The following PLEKHG7 variants were observed in gnomAD, a reference collection of about 807,000 sequenced individuals.
PLEKHG7 encodes pleckstrin homology domain-containing family G member 7.
In PLEKHG7, 77 loss-of-function variants were observed where a neutral mutation model predicts 85.2. That is an observed-to-expected ratio of 0.90 (90% CI 0.75 to 1.09). The LOEUF (loss-of-function observed/expected upper bound fraction) is 1.09, where lower values mean the gene tolerates loss of function less well. Among genes scored for constraint, PLEKHG7 ranks in the 50% least tolerant of loss-of-function variants. PLEKHG7 has a pLI of 0.00. For missense variants in PLEKHG7, 777 were observed against 804.3 expected (o/e 0.97, Z 0.41); for synonymous variants, 301 against 302.4 (o/e 1.00, Z 0.05).
chr12:92,749,198 C>G (rs1024063318), intron 10 of PLEKHG7, among the ~76,000 whole-genome samples: 9 of 152,178 alleles, frequency 5.9e-5, no homozygotes, highest in African/African-American at 1.9e-4. Context: ...CCACATGAGG[C>G]TAAGCTTTAT....
Position 92,756,348 on chromosome 12 carries a change from A to G in PLEKHG7, c.1593A>G (p.Pro531=), listed in dbSNP as rs1351802138. The G allele has an allele frequency of 2.5e-6, 4 of 1,613,410 alleles. No individual in the cohort carries two copies. The African/African-American group carries it at 5.3e-5, about 22-fold the overall frequency. The change falls in exon 13 of 17, where the codon CCA becomes CCG. Residue 531 remains proline (P), a synonymous_variant. Coordinates refer to ENST00000344636, the MANE Select transcript of PLEKHG7 (RefSeq NM_001377329.1). ...ACATGGCAGAAAACATCTTGTCACC[A>G]ACCAGCAGACACCTTCTCTATGAAG... is the stretch of plus-strand genomic sequence containing the variant. The part of the protein sequence containing the change: ...KEHMAENILS[P]TSRHLLYEGK...
chr12:92,744,629 T>A (rs1449168435), intron 9 of PLEKHG7, among the ~76,000 whole-genome samples: 1 of 151,520 alleles, frequency 6.6e-6, no homozygotes, highest in African/African-American at 2.4e-5. Flanking sequence ...CTAGATACAG[T>A]ATGCTGAGTA....
chr12:92,729,061 T>C lies in PLEKHG7; in HGVS notation c.599T>C (p.Leu200Pro). 5 of 1,231,804 alleles carry C rather than the reference T, an allele frequency of 4.1e-6. No individual in the cohort carries two copies. The highest frequency in any genetic ancestry group is 5.1e-6 in the Non-Finnish European group (5 of 987,760). 76.3% of individuals were successfully genotyped at this position (1,231,804 alleles called of 1,614,324 possible). Residue 200 changes from leucine to proline, a missense_variant, in exon 4 of 17, where the codon CTT (leucine) becomes CCT (proline). By Grantham distance (98) the Leu-to-Pro change is moderately conservative. This residue lies in a region of PLEKHG7 where 252 missense variants were observed against 241.9 expected (regional missense o/e 1.04). Coordinates refer to ENST00000344636, the MANE Select transcript of PLEKHG7 (RefSeq NM_001377329.1). ...GGACTTGAGGTGTTCCCCGGGGACC[T>C]TCTGGTGTCAGATGGAGCTGCTGAT... is the stretch of plus-strand genomic sequence containing the variant. ...LPGLEVFPGD[L>P]LVSDGAADYL...
At chr12:92,762,438 T>A (rs1310598307) in intron 14 of PLEKHG7, among the ~76,000 whole-genome samples, 1 of 152,214 alleles carries the variant, frequency 6.6e-6, no homozygotes, top group Non-Finnish European at 1.5e-5. Context: ...AACTGGGAGC[T>A]AGAGCTACAA....
chr12:92,714,965 C>G (rs1371651316), intron 3 of PLEKHG7, among the ~76,000 whole-genome samples: 1 of 152,062 alleles, frequency 6.6e-6, no homozygotes, highest in Non-Finnish European at 1.5e-5. Context: ...TAGAACCACT[C>G]CTTGTACCAA....
rs60763947 is a variant in PLEKHG7 at position 92,770,355 on chromosome 12, A to G, written c.*160A>G. On this transcript the variant is annotated 3_prime_UTR_variant, in exon 17 of 17. Coordinates refer to ENST00000344636, the MANE Select transcript of PLEKHG7 (RefSeq NM_001377329.1). ...TTTGAGCTAGGAAAATCCTCAGTAT[A>G]GAGGAATAATGACTGCAACAAATTT... 160,073 of 588,890 alleles carry G rather than the reference A, an allele frequency of 0.27. 24,513 individuals carry two copies. Among genetic ancestry groups the G allele is most frequent in the Non-Finnish European group, 0.32 (108,410 of 338,408 alleles). The allele number at this position is 588,890 out of a possible 1,614,324, so 36.5% of individuals were successfully genotyped here.
At chr12:92,752,896 C>A (rs1872728523) in intron 10 of PLEKHG7, among the ~76,000 whole-genome samples, 1 of 152,134 alleles carries the variant, frequency 6.6e-6, no homozygotes, top group Non-Finnish European at 1.5e-5. Context: ...AGACAGCTGT[C>A]TTCTCGCTGT....
At chr12:92,715,244 T>G (rs1221971486) in intron 3 of PLEKHG7, among the ~76,000 whole-genome samples, 1 of 152,058 alleles carries the variant, frequency 6.6e-6, no homozygotes, top group African/African-American at 2.4e-5. Context: ...TAAGCCAATC[T>G]CAGATCTTCA....
In PLEKHG7 at chr12:92,707,044, A is replaced by C; in HGVS notation, c.413A>C (p.Gln138Pro). 6.2e-7 allele frequency: 1 copy of C among 1,613,790 alleles called. No homozygotes were observed. Among genetic ancestry groups the C allele is most frequent in the African/African-American group, 1.3e-5 (1 of 74,884 alleles). Reference sequence around the variant, plus strand: ...GACAAGTATCTCCCTCCTGAGCTTCAGCCTGTCAATGAAGGGTCCCTTCAC... The same window carrying C: ...GACAAGTATCTCCCTCCTGAGCTTCCGCCTGTCAATGAAGGGTCCCTTCAC... ...PTDKYLPPEL[Q>P]PVNEGSLHQA... Residue 138 changes from glutamine to proline, a missense_variant, in exon 2 of 17, where the codon CAG becomes CCG. Around this residue, in one of 3 missense-constraint regions of PLEKHG7, gnomAD observed 252 missense variants for 241.9 expected, o/e 1.04. Coordinates refer to ENST00000344636, the MANE Select transcript of PLEKHG7 (RefSeq NM_001377329.1).
intron 8 of PLEKHG7, 63 bp downstream of exon 8, chr12:92,741,011 G>A: frequency 8.2e-7 from 1 of 1,217,896 alleles, no homozygotes; most frequent in East Asian, 2.3e-5. Flanking sequence ...ATTCATGCTT[G>A]GTCTGTTCTT....
intron 9 of PLEKHG7, among the ~76,000 whole-genome samples, chr12:92,744,919 C>T (rs1872484826): frequency 6.6e-6 from 1 of 152,146 alleles, no homozygotes; most frequent in Non-Finnish European, 1.5e-5. Flanking sequence ...CCGCCTGCCT[C>T]ACCTCTTAAA....
intron 9 of PLEKHG7, among the ~76,000 whole-genome samples, chr12:92,743,284 A>T (rs11614741): frequency 0.25 from 37,301 of 151,882 alleles, 5,135 homozygotes; most frequent in Non-Finnish European, 0.32. Flanking sequence ...GTCTGCTCAC[A>T]TTTCATCAGT....
intron 3 of PLEKHG7, among the ~76,000 whole-genome samples, chr12:92,713,443 C>T (rs900903306): frequency 1.1e-4 from 17 of 152,198 alleles, no homozygotes; most frequent in African/African-American, 3.4e-4. Context: ...TTGCCTCTTC[C>T]GTCCATTATG....
chr12:92,750,103 C>T (rs1183710496), intron 10 of PLEKHG7, among the ~76,000 whole-genome samples: 4 of 151,140 alleles, frequency 2.6e-5, no homozygotes, highest in South Asian at 4.2e-4. Flanking sequence ...CATCATGGCT[C>T]ACTGCAGCCT....
chr12:92,765,325 T>TAAAA (rs59974651), intron 15 of PLEKHG7, among the ~76,000 whole-genome samples: 5 of 128,920 alleles, frequency 3.9e-5, no homozygotes, highest in African/African-American at 1.5e-4. Flanking sequence ...AGTCTCTTAT[T>TAAAA]AAAAAAAAAA....
intron 3 of PLEKHG7, among the ~76,000 whole-genome samples, chr12:92,727,969 T>TATACACAC (rs1871870715): frequency 2.0e-5 from 3 of 148,798 alleles, no homozygotes; most frequent in Non-Finnish European, 1.5e-5. Flanking sequence ...TGTGTATATA[T>TATACACAC]ATATATACAC....
chr12:92,752,813 C>T (rs1308779243), intron 10 of PLEKHG7, among the ~76,000 whole-genome samples: 2 of 152,148 alleles, frequency 1.3e-5, no homozygotes, highest in Non-Finnish European at 2.9e-5. Flanking sequence ...GTTTGTTGCT[C>T]ACAGTTCTGG....
At chr12:92,747,395 G>C (rs762211017) in intron 10 of PLEKHG7, among the ~76,000 whole-genome samples, 1 of 151,632 alleles carries the variant, frequency 6.6e-6, no homozygotes, top group Non-Finnish European at 1.5e-5. Context: ...TATTTAAAAA[G>C]ATAAAATAAA....
chr12:92,747,661 G>A (rs1872571490), intron 10 of PLEKHG7, among the ~76,000 whole-genome samples: 2 of 152,198 alleles, frequency 1.3e-5, no homozygotes, highest in South Asian at 2.1e-4. Flanking sequence ...TCAATCTAGT[G>A]TTCATCAACA....
Sources: allele counts gnomAD v4.1 joint callset (sites outside exome capture counted in the v4.1 genomes callset), GRCh38; gene constraint gnomAD v4.1.1; regional missense constraint gnomAD v4.1.1; transcripts MANE v1.5; gene names NCBI Gene and HGNC (gene_info 2026-07-23, HGNC 2026-07-21).